Variants in BPIFC observed in about 807,000 individuals in gnomAD.
BPIFC encodes BPI fold containing family C, also known as BPI fold-containing family C protein.
In BPIFC, 60 loss-of-function variants were observed where a neutral mutation model predicts 57.6. The ratio of observed to expected loss-of-function variants is 1.04; its 90% CI spans 0.85 to 1.29. The LOEUF (loss-of-function observed/expected upper bound fraction) is 1.29, where lower values mean the gene tolerates loss of function less well. Among genes scored for constraint, BPIFC ranks in the 50% most tolerant of loss-of-function variants. BPIFC has a pLI of 0.00. For missense variants in BPIFC, 581 were observed against 600.5 expected (o/e 0.97, Z 0.34); for synonymous variants, 243 against 224.5 (o/e 1.08, Z -0.74).
chr22:32,427,248 G>T (rs560152952), intron 13 of BPIFC, among the ~76,000 whole-genome samples: 1 of 152,204 alleles, frequency 6.6e-6, no homozygotes, highest in Admixed American at 6.5e-5. Flanking sequence ...TGAACGTGCT[G>T]TTGCTTACTA....
intron 10 of BPIFC, 28 bp from the exon 11 acceptor site, chr22:32,433,800 G>C: frequency 6.3e-7 from 1 of 1,597,632 alleles, no homozygotes; most frequent in Non-Finnish European, 8.6e-7. Flanking sequence ...TTATGTCACT[G>C]TTAGGATTTT....
At position 32,437,797 on chromosome 22, in the gene BPIFC, G is replaced by A. The variant is rs777721154; in HGVS notation, c.710C>T (p.Pro237Leu). The A allele has an allele frequency of 6.2e-7, 1 of 1,611,768 alleles. No homozygotes were observed. Among genetic ancestry groups the A allele is most frequent in the Non-Finnish European group, 8.5e-7 (1 of 1,177,966 alleles). The change falls in exon 9 of 17, where the codon CCA becomes CTA. Residue 237 changes from proline (P) to leucine (L), a missense_variant. Physicochemically the swap from Pro to Leu is moderately conservative, Grantham distance 98. Transcript: ENST00000300399. ...TLLDYSLISS[P>L]EITENYLDLN... Reference sequence around the variant, plus strand: ...GTCAAGGTAGTTCTCAGTAATTTCTGGAGAACTGATTAGGGAGTAATCCAG... The same window carrying A: ...GTCAAGGTAGTTCTCAGTAATTTCTAGAGAACTGATTAGGGAGTAATCCAG...
At chr22:32,444,454 C>A (rs1341388807) in intron 7 of BPIFC, among the ~76,000 whole-genome samples, 4 of 152,172 alleles carry the variant, frequency 2.6e-5, no homozygotes, top group East Asian at 1.9e-4. Context: ...CGTGACCAGA[C>A]CCTGTCTTTG....
chr22:32,428,032 A>C (rs1289219055), intron 13 of BPIFC, among the ~76,000 whole-genome samples: 1 of 151,480 alleles, frequency 6.6e-6, no homozygotes, highest in Admixed American at 6.6e-5. Flanking sequence ...TGCCAGATAA[A>C]GATCACTCTT....
At chr22:32,442,774 T>G in intron 7 of BPIFC, 43 bp from the exon 8 acceptor site, 1 of 1,582,004 alleles carries the variant, frequency 6.3e-7, no homozygotes, top group Non-Finnish European at 8.7e-7. Context: ...GTTACCATGT[T>G]GTACTGGAAA....
intron 13 of BPIFC, among the ~76,000 whole-genome samples, chr22:32,426,287 G>A (rs1934065936): frequency 6.6e-6 from 1 of 152,178 alleles, no homozygotes; most frequent in Non-Finnish European, 1.5e-5. Context: ...TATCACCCAA[G>A]ACCAAACCAG....
At chr22:32,460,790 T>A (rs1935144375) in intron 2 of BPIFC, among the ~76,000 whole-genome samples, 1 of 152,236 alleles carries the variant, frequency 6.6e-6, no homozygotes, top group Non-Finnish European at 1.5e-5. Flanking sequence ...ATGTTTCTTT[T>A]CTGGCTTATG....
At chr22:32,419,279 A>G in intron 14 of BPIFC, 83 bp downstream of exon 14, 2 of 1,426,260 alleles carry the variant, frequency 1.4e-6, no homozygotes, top group Non-Finnish European at 1.9e-6. Context: ...CAAGTCACAG[A>G]AAACAATTAA....
intron 2 of BPIFC, among the ~76,000 whole-genome samples, chr22:32,461,264 G>T (rs906636292): frequency 3.9e-5 from 6 of 152,206 alleles, no homozygotes; most frequent in Non-Finnish European, 8.8e-5. Context: ...CAGCCCTAAA[G>T]AGCTGGTTTG....
chr22:32,462,316 A>G (rs972837520), intron 1 of BPIFC, among the ~76,000 whole-genome samples: 3 of 152,126 alleles, frequency 2.0e-5, no homozygotes, highest in Admixed American at 2.0e-4. Flanking sequence ...CAGACATGAT[A>G]TCTCTCCCTG....
At chr22:32,460,529 T>G (rs1109363) in intron 2 of BPIFC, among the ~76,000 whole-genome samples, 6,484 of 152,302 alleles carry the variant, frequency 0.043, 205 homozygotes, top group Non-Finnish European at 0.068. Flanking sequence ...ATCTCTCACC[T>G]GATCTCCTAG....
intron 9 of BPIFC, among the ~76,000 whole-genome samples, chr22:32,437,262 G>T (rs1016436404): frequency 6.6e-6 from 1 of 152,208 alleles, no homozygotes; most frequent in Non-Finnish European, 1.5e-5. Flanking sequence ...TCAATAAAAC[G>T]TTCAAGAGTC....
chr22:32,415,874 A>G (rs1569445365), intron 16 of BPIFC, 41 bp downstream of exon 16: 1 of 1,411,234 alleles, frequency 7.1e-7, no homozygotes, highest in East Asian at 2.5e-5. Context: ...TCTACTATAA[A>G]AAGAAATGGG....
chr22:32,432,618 C>T, intron 11 of BPIFC, 75 bp from the exon 12 acceptor site: 1 of 1,396,346 alleles, frequency 7.2e-7, no homozygotes, highest in South Asian at 1.2e-5. Context: ...GTTAGGATGG[C>T]CTGTGGTGAC....
chr22:32,457,225 T>A, intron 3 of BPIFC, 38 bp downstream of exon 3: 1 of 1,569,186 alleles, frequency 6.4e-7, no homozygotes, highest in Non-Finnish European at 8.6e-7. Flanking sequence ...CCCCACCTAG[T>A]GGGCCTGAGG....
chr22:32,414,944 G>C (rs1933626888), intron 16 of BPIFC, among the ~76,000 whole-genome samples: 1 of 152,246 alleles, frequency 6.6e-6, no homozygotes, highest in Admixed American at 6.5e-5. Context: ...CAGTGGGGGA[G>C]AAGCAGGGAA....
intron 16 of BPIFC, 62 bp downstream of exon 16, chr22:32,415,852 GA>G: frequency 8.7e-7 from 1 of 1,155,696 alleles, no homozygotes; most frequent in South Asian, 1.8e-5. Flanking sequence ...AGCAAAACAG[GA>G]GGAGGCTTAG....
chr22:32,427,124 C>G (rs554587565), intron 13 of BPIFC, among the ~76,000 whole-genome samples: 20 of 152,126 alleles, frequency 1.3e-4, no homozygotes, highest in Non-Finnish European at 2.2e-4. Flanking sequence ...GGTCAAAGAA[C>G]TCTGTGGACT....
At position 32,442,681 on chromosome 22, in the gene BPIFC, G is replaced by A; in HGVS notation, c.645C>T (p.Ser215=). ...AGTTCTAAGACTCACCCTCCAGTGT[G>A]CTGAGGTTGGCATTTAGCGCTTTGA... ...SEVKALNANL[S]TLEVLTKIDN... is the part of the protein sequence containing the mutation. Residue 215 remains serine (S), a synonymous_variant, in exon 8 of 17, where the codon AGC becomes AGT. Transcript: ENST00000300399. 6.2e-7 allele frequency: 1 copy of A among 1,613,632 alleles called. No homozygotes were observed. The highest frequency in any genetic ancestry group is 8.5e-7 in the Non-Finnish European group (1 of 1,179,584).
Sources: allele counts gnomAD v4.1 joint callset (sites outside exome capture counted in the v4.1 genomes callset), GRCh38; gene constraint gnomAD v4.1.1; transcripts MANE v1.5; gene names NCBI Gene and HGNC (gene_info 2026-07-23, HGNC 2026-07-21).